LAX1: variants seen among roughly 807,000 people sequenced by gnomAD.
LAX1 encodes lymphocyte transmembrane adapter 1.
In LAX1, 17 loss-of-function variants were observed where a neutral mutation model predicts 20.7. That is an observed-to-expected ratio of 0.82 (90% CI 0.56 to 1.23). The LOEUF (loss-of-function observed/expected upper bound fraction) is 1.23, where lower values mean the gene tolerates loss of function less well. LAX1 is among the 50% of genes most tolerant of loss of function. The pLI is 0.00. For synonymous variants in LAX1, 165 were observed against 181.0 expected, an observed-to-expected ratio of 0.91 and a Z score of 0.71; for missense variants, 470 against 487.0, an observed-to-expected ratio of 0.97 and a Z score of 0.33.
chr1:203,765,376 A>C lies in LAX1; in HGVS notation c.-190A>C, dbSNP rs539004680. The C allele has an allele frequency of 1.3e-6, 2 of 1,551,782 alleles. No homozygotes were observed. The highest frequency in any genetic ancestry group is 4.9e-5 in the East Asian group (2 of 40,926). On this transcript the variant is annotated 5_prime_UTR_variant, in exon 1 of 5. Coordinates refer to ENST00000442561, the MANE Select transcript of LAX1 (RefSeq NM_017773.4). Reference sequence around the variant, plus strand: ...GCACTTCCTGCAGTGGGCATTAGCCACGTCCAGGTAGAACCAAACCTGTTG... The same window carrying C: ...GCACTTCCTGCAGTGGGCATTAGCCCCGTCCAGGTAGAACCAAACCTGTTG...
chr1:203,772,179 G>A, intron 4 of LAX1, 32 bp downstream of exon 4: 2 of 1,512,504 alleles, frequency 1.3e-6, no homozygotes, highest in Non-Finnish European at 1.8e-6. Context: ...AGAATGACAT[G>A]TCTCTGGCAG....
rs1048571292 is a variant in LAX1, at chr1:203,771,969, G to A, written c.311-99G>A. On this transcript the variant is annotated intron_variant, in intron 3 of 4. Coordinates refer to ENST00000442561, the MANE Select transcript of LAX1 (RefSeq NM_017773.4). Reference sequence around the variant, plus strand: ...ACCAGACCCAAGGCTGGAAATTCCAGACACCACGCAAACCCGCTTCATCCA... The same window carrying A: ...ACCAGACCCAAGGCTGGAAATTCCAAACACCACGCAAACCCGCTTCATCCA... 4.2e-6 allele frequency: 4 copies of A among 959,168 alleles called. No individual in the cohort carries two copies. The African/African-American group carries it at 4.8e-5, about 12-fold the overall frequency. The allele number at this position is 959,168 out of a possible 1,614,324, so 59.4% of individuals were successfully genotyped here.
In LAX1 at chr1:203,773,864, C is replaced by T; in HGVS notation, c.391-11C>T. 1 of 1,369,658 alleles carries T rather than the reference C, an allele frequency of 7.3e-7. No homozygotes were observed. Among genetic ancestry groups the T allele is most frequent in the Admixed American group, 2.2e-5 (1 of 45,182 alleles). The allele number at this position is 1,369,658 out of a possible 1,614,324, so 84.8% of individuals were successfully genotyped here. ...TGCATCTGACCACTGGCTTCCTTTT[C>T]TTCTTCATAGCCCTCCCAAGCAGGC... On this transcript the variant is annotated splice_polypyrimidine_tract_variant and intron_variant, in intron 4 of 4. Coordinates refer to ENST00000442561, the MANE Select transcript of LAX1 (RefSeq NM_017773.4).
intron 1 of LAX1, among the ~76,000 whole-genome samples, chr1:203,766,529 G>A (rs1488193460): frequency 3.9e-5 from 6 of 152,162 alleles, no homozygotes; most frequent in Admixed American, 3.9e-4. Context: ...TTATTATCAT[G>A]GCAAACACAT....
intron 1 of LAX1, among the ~76,000 whole-genome samples, chr1:203,769,441 G>GAAAGAAAGAAAGAA (rs776263141): frequency 2.1e-5 from 2 of 94,666 alleles, no homozygotes; most frequent in African/African-American, 7.4e-5. Context: ...AAGAAAGAAA[G>GAAAGAAAGAAAGAA]AAGGAAAGAA....
Position 203,772,105 on chromosome 1 carries a change from T to C in LAX1, c.348T>C (p.Thr116=). The change falls in exon 4 of 5, where the codon ACT becomes ACC. Residue 116 remains threonine (T), a synonymous_variant. Coordinates refer to ENST00000442561, the MANE Select transcript of LAX1 (RefSeq NM_017773.4). ...HESRSMRIFS[T]ESLLSRNSES... ...CGAGGAGTATGCGCATTTTCAGTAC[T>C]GAGAGCCTCCTCTCCAGAAATTCTG... 1 of 1,614,138 alleles carries C rather than the reference T, an allele frequency of 6.2e-7. No individual in the cohort carries two copies. Among genetic ancestry groups the C allele is most frequent in the African/African-American group, 1.3e-5 (1 of 75,062 alleles).
rs911008744 is a variant in LAX1 at position 203,774,037 on chromosome 1, A to G, written c.553A>G (p.Ile185Val). 6.2e-7 allele frequency: 1 copy of G among 1,614,102 alleles called. No individual in the cohort carries two copies. Among genetic ancestry groups the G allele is most frequent in the Middle Eastern group, 1.6e-4 (1 of 6,062 alleles). Residue 185 changes from isoleucine (I) to valine (V), a missense_variant, in exon 5 of 5, where the codon ATT (isoleucine) becomes GTT (valine). Coordinates refer to ENST00000442561, the MANE Select transcript of LAX1 (RefSeq NM_017773.4). Reference sequence around the variant, plus strand: ...CAGAGCTTCCAGAGACTGCGCAAGCATTTCTTCAGAGGATTCGCATGATTA... The same window carrying G: ...CAGAGCTTCCAGAGACTGCGCAAGCGTTTCTTCAGAGGATTCGCATGATTA... ...NVRASRDCAS[I>V]SSEDSHDYVN...
rs963971404 is a variant in LAX1, at chr1:203,774,675, T to A, written c.1191T>A (p.Asp397Glu). ...GGCCTGGCACTCAGCTCCTTCCTGA[T>A]GAATGAAGACCCAGGTACCCAGCCA... is the stretch of plus-strand genomic sequence containing the variant. ...EQGPGTQLLP[D>E]E Residue 397 changes from aspartate to glutamate, a missense_variant, in exon 5 of 5, where the codon GAT (aspartate) becomes GAA (glutamate). Transcript: ENST00000442561. The A allele has an allele frequency of 7.4e-6, 12 of 1,613,116 alleles. No homozygotes were observed. The highest frequency in any genetic ancestry group is 2.2e-5 in the East Asian group (1 of 44,890).
In LAX1 at chr1:203,774,895, T is replaced by C. The variant is rs1667486461; in HGVS notation, c.*214T>C. The stretch of plus-strand genomic sequence containing the variant: ...GGAATTCTTCTCAAGCAGAGTGTGG[T>C]TATCTCCTGTACCAGCCTAAGAATG... On this transcript the variant is annotated 3_prime_UTR_variant, in exon 5 of 5. Transcript: ENST00000442561. The C allele has an allele frequency of 3.4e-6, 2 of 581,740 alleles. No homozygotes were observed. The highest frequency in any genetic ancestry group is 6.1e-6 in the Non-Finnish European group (2 of 329,300). The allele number at this position is 581,740 out of a possible 1,614,324, so 36.0% of individuals were successfully genotyped here. A position where few individuals can be genotyped will look rare whatever the true frequency, so the allele number is the denominator to read the frequency against.
At chr1:203,771,607 G>A (rs2102268072) in intron 3 of LAX1, 130 bp downstream of exon 3, 3 of 700,830 alleles carry the variant, frequency 4.3e-6, no homozygotes, top group Non-Finnish European at 7.8e-6. Context: ...GTATCAGGGA[G>A]AATGGGATAG....
Position 203,774,301 on chromosome 1 carries a change from G to A in LAX1, c.817G>A (p.Gly273Arg). The change falls in exon 5 of 5, where the codon GGG (glycine) becomes AGG (arginine). Residue 273 changes from glycine (G) to arginine (R), a missense_variant. By Grantham distance (125) the Gly-to-Arg change is moderately radical (BLOSUM62 -2). Coordinates refer to ENST00000442561, the MANE Select transcript of LAX1 (RefSeq NM_017773.4). ...CTCAAATGACTATGTCAACATGACA[G>A]GGTTGGATCTCAGTGCCATCCAGGA... ...QISNDYVNMT[G>R]LDLSAIQERQ... 1 of 1,614,160 alleles carries A rather than the reference G, an allele frequency of 6.2e-7. No homozygotes were observed. The highest frequency in any genetic ancestry group is 8.5e-7 in the Non-Finnish European group (1 of 1,180,034).
intron 3 of LAX1, among the ~76,000 whole-genome samples, 198 bp downstream of exon 3, chr1:203,771,675 G>C (rs3737975): frequency 0.14 from 21,530 of 152,090 alleles, 2,505 homozygotes; most frequent in East Asian, 0.6. Context: ...GGGAGCAGAG[G>C]GTCATCTGGG....
Position 203,771,519 on chromosome 1 carries a change from C to G in LAX1, c.310+42C>G, listed in dbSNP as rs141780255. 3 of 1,178,892 alleles carry G rather than the reference C, an allele frequency of 2.5e-6. No individual in the cohort carries two copies. In the African/African-American group the frequency reaches 4.5e-5, roughly 18 times the overall value. 73.0% of individuals were successfully genotyped at this position (1,178,892 alleles called of 1,614,324 possible). On this transcript the variant is annotated intron_variant, in intron 3 of 4. Coordinates refer to ENST00000442561, the MANE Select transcript of LAX1 (RefSeq NM_017773.4). The stretch of plus-strand genomic sequence containing the variant: ...AATCTATGGAGTCCAGATATTCGAA[C>G]TTCTACTCCCAGAATGTGCCTCTCA...
chr1:203,769,349 G>C (rs1667356932), intron 1 of LAX1, among the ~76,000 whole-genome samples: 1 of 148,856 alleles, frequency 6.7e-6, no homozygotes. Flanking sequence ...CCAAGATCAT[G>C]CCACTGCACT....
Position 203,775,316 on chromosome 1 carries a change from C to T in LAX1, c.*635C>T, listed in dbSNP as rs1010169662. ...GGCTGAAGCAGGAGAATCGCTTGAACCCGGGAGGTGGAGGTTGCAGCAAGC... is the reference window on the plus strand; with the variant it reads ...GGCTGAAGCAGGAGAATCGCTTGAATCCGGGAGGTGGAGGTTGCAGCAAGC... On this transcript the variant is annotated 3_prime_UTR_variant, in exon 5 of 5. Transcript: ENST00000442561. The T allele has an allele frequency of 5.9e-5, 9 of 152,376 alleles. No homozygotes were observed. Among genetic ancestry groups the T allele is most frequent in the African/African-American group, 2.2e-4 (9 of 41,516 alleles). 9.4% of individuals were successfully genotyped at this position (152,376 alleles called of 1,614,324 possible).
intron 3 of LAX1, 91 bp from the exon 4 acceptor site, chr1:203,771,977 G>C: frequency 9.4e-7 from 1 of 1,058,890 alleles, no homozygotes; most frequent in East Asian, 2.4e-5. Context: ...CAGACACCAC[G>C]CAAACCCGCT....
chr1:203,768,690 G>A (rs1395509240), intron 1 of LAX1, among the ~76,000 whole-genome samples: 1 of 152,222 alleles, frequency 6.6e-6, no homozygotes, highest in Non-Finnish European at 1.5e-5. Flanking sequence ...GGAGAGTGAT[G>A]AGTAGAGGAG....
chr1:203,776,177 T>C lies in LAX1; in HGVS notation c.*1496T>C, dbSNP rs963567990. On this transcript the variant is annotated 3_prime_UTR_variant, in exon 5 of 5. Transcript: ENST00000442561. The stretch of plus-strand genomic sequence containing the variant: ...TGTCTCTAACATTTGTAAACCTGTC[T>C]CTAATTTGTAATTTGTAAACCCTGT... 6.6e-5 allele frequency: 10 copies of C among 152,060 alleles called. No homozygotes were observed. The highest frequency in any genetic ancestry group is 8.8e-5 in the Non-Finnish European group (6 of 68,024). The allele number at this position is 152,060 out of a possible 1,614,324, so 9.4% of individuals were successfully genotyped here. A position where few individuals can be genotyped will look rare whatever the true frequency, so the allele number is the denominator to read the frequency against.
At chr1:203,770,000 C>G (rs1667376887) in intron 1 of LAX1, among the ~76,000 whole-genome samples, 1 of 152,258 alleles carries the variant, frequency 6.6e-6, no homozygotes, top group South Asian at 2.1e-4. Flanking sequence ...CGCAAACAGA[C>G]CTAGATTCAT....
Sources: gnomAD v4.1 joint callset for allele counts (sites outside exome capture counted in the v4.1 genomes callset) on GRCh38, gnomAD v4.1.1 for gene constraint, MANE v1.5 for transcripts, NCBI Gene and HGNC (gene_info 2026-07-23, HGNC 2026-07-21) for gene names.